AZIN1: variants seen among roughly 807,000 people sequenced by gnomAD.
AZIN1 encodes the protein ornithine decarboxylase antizyme inhibitor.
A neutral mutation model predicts 47.4 loss-of-function variants in AZIN1; 12 were observed. The observed-to-expected ratio is 0.25, with a 90% CI of 0.16 to 0.41. The LOEUF is 0.41. Among genes scored for constraint, AZIN1 ranks in the 10% least tolerant of loss-of-function variants. The probability of loss-of-function intolerance (pLI) is 1.00; values close to 1 mark genes in which losing one functional copy is unlikely to be tolerated. For synonymous variants in AZIN1, 155 were observed against 176.3 expected (o/e 0.88, Z 0.96); for missense variants, 410 against 532.4 (o/e 0.77, Z 2.26).
chr8:102,857,878 T>C (rs1813394539), intron 2 of AZIN1, 135 bp downstream of exon 2: 1 of 395,440 alleles, frequency 2.5e-6, no homozygotes. Context: ...GTCTTATCTC[T>C]ATTTCAGAAA....
At chr8:102,862,671 G>A (rs1469815356) in intron 1 of AZIN1, among the ~76,000 whole-genome samples, 8 of 152,122 alleles carry the variant, frequency 5.3e-5, no homozygotes, top group Admixed American at 5.2e-4. Flanking sequence ...ATCAACCTTC[G>A]CTGAGCACAA....
At chr8:102,835,048 CT>C (rs1586162019) in intron 6 of AZIN1, 1 of 228,706 alleles carries the variant, frequency 4.4e-6, no homozygotes, top group Non-Finnish European at 8.5e-6. Context: ...ATATGTGGCA[CT>C]TTTATGTTTA....
At chr8:102,832,129 C>T (rs773885523) in intron 9 of AZIN1, among the ~76,000 whole-genome samples, 17 of 152,092 alleles carry the variant, frequency 1.1e-4, no homozygotes, top group Non-Finnish European at 2.1e-4. Context: ...GAAATTTCTA[C>T]TCTTCAAAAA....
At chr8:102,841,201 G>A (rs757476017) in intron 3 of AZIN1, among the ~76,000 whole-genome samples, 7 of 152,166 alleles carry the variant, frequency 4.6e-5, no homozygotes, top group Admixed American at 6.5e-5. Flanking sequence ...GTGCAAAGAC[G>A]GATAGATAGT....
In AZIN1 at chr8:102,857,998, T is replaced by C. The variant is rs1260197884; in HGVS notation, c.-96+15A>G. Reference sequence around the variant, plus strand: ...TAAAGACCTCCTCCCCACCAACAAATGTGCAAATACTTACATGGACAAGTT... The same window carrying C: ...TAAAGACCTCCTCCCCACCAACAAACGTGCAAATACTTACATGGACAAGTT... On this transcript the variant is annotated intron_variant, in intron 2 of 11. Transcript: ENST00000337198. 2.5e-6 allele frequency: 1 copy of C among 398,802 alleles called. No homozygotes were observed. Among genetic ancestry groups the C allele is most frequent in the African/African-American group, 2.1e-5 (1 of 48,600 alleles). 24.7% of individuals were successfully genotyped at this position (398,802 alleles called of 1,614,324 possible). A position where few individuals can be genotyped will look rare whatever the true frequency, so the allele number is the denominator to read the frequency against.
chr8:102,828,392 C>G lies in AZIN1; in HGVS notation c.*175G>C. The G allele has an allele frequency of 4.3e-6, 2 of 470,072 alleles. No homozygotes were observed. The highest frequency in any genetic ancestry group is 7.7e-6 in the Non-Finnish European group (2 of 261,056). The allele number at this position is 470,072 out of a possible 1,614,324, so 29.1% of individuals were successfully genotyped here. A position where few individuals can be genotyped will look rare whatever the true frequency, so the allele number is the denominator to read the frequency against. On this transcript the variant is annotated 3_prime_UTR_variant, in exon 12 of 12. Transcript: ENST00000337198. ...ACATTATCTAAATCTCCCATTATCC[C>G]CAATGAATTATAGATGAAAGCTGAT...
chr8:102,845,650 G>A (rs1812523282), intron 2 of AZIN1, among the ~76,000 whole-genome samples: 2 of 152,082 alleles, frequency 1.3e-5, no homozygotes, highest in Admixed American at 6.6e-5. Context: ...AAAAATAAAG[G>A]TCACTCATTT....
At chr8:102,829,190 T>C (rs1811281411) in intron 11 of AZIN1, 82 bp downstream of exon 11, 2 of 1,210,356 alleles carry the variant, frequency 1.7e-6, no homozygotes, top group African/African-American at 3.0e-5. Context: ...AAGTTTAGCA[T>C]TCATTACAGA....
chr8:102,847,109 CA>C (rs1030579566), intron 2 of AZIN1, among the ~76,000 whole-genome samples: 2 of 152,094 alleles, frequency 1.3e-5, no homozygotes, highest in Non-Finnish European at 2.9e-5. Flanking sequence ...AGCTGAGTGA[CA>C]AAATCATTCT....
intron 2 of AZIN1, among the ~76,000 whole-genome samples, chr8:102,853,239 G>A (rs563063986): frequency 3.3e-5 from 5 of 152,352 alleles, no homozygotes; most frequent in South Asian, 2.1e-4. Flanking sequence ...GCGCAGTGGC[G>A]CATGCCTGTA....
intron 9 of AZIN1, among the ~76,000 whole-genome samples, chr8:102,832,414 T>C (rs1811517752): frequency 6.6e-6 from 1 of 152,082 alleles, no homozygotes; most frequent in Non-Finnish European, 1.5e-5. Flanking sequence ...TTGACTTGAG[T>C]TAGATTACAG....
At chr8:102,833,304 T>G in intron 8 of AZIN1, 86 bp from the exon 9 acceptor site, 1 of 1,312,454 alleles carries the variant, frequency 7.6e-7, no homozygotes. Flanking sequence ...CAAAATTTTC[T>G]AGGAAAATGA....
At chr8:102,846,022 T>C (rs943587208) in intron 2 of AZIN1, among the ~76,000 whole-genome samples, 1 of 152,236 alleles carries the variant, frequency 6.6e-6, no homozygotes, top group Non-Finnish European at 1.5e-5. Context: ...CTTAATTGTA[T>C]CTCAGTTGCT....
chr8:102,847,682 C>T (rs913710912), intron 2 of AZIN1, among the ~76,000 whole-genome samples: 1 of 152,064 alleles, frequency 6.6e-6, no homozygotes, highest in Admixed American at 6.6e-5. Flanking sequence ...CCACAGCCTT[C>T]AGTCCCACCT....
intron 8 of AZIN1, among the ~76,000 whole-genome samples, chr8:102,833,444 TAAC>T (rs992041242): frequency 6.6e-6 from 1 of 151,182 alleles, no homozygotes; most frequent in Non-Finnish European, 1.5e-5. Flanking sequence ...ATAGCTCTAA[TAAC>T]AAATACCCAC....
In AZIN1 at chr8:102,843,009, G is replaced by C. The variant is rs147634893; in HGVS notation, c.102+542C>G. ...AGGTGGGTAGATCACCTGAGGTCAG[G>C]AGTTCAAGACCAGCATGGCGAAACC... On this transcript the variant is annotated intron_variant, in intron 3 of 11. Transcript: ENST00000337198. Among the ~76,000 whole-genome samples, 252 of 152,100 alleles carry C rather than the reference G, an allele frequency of 1.7e-3. 1 individual carries two copies. The highest frequency in any genetic ancestry group is 5.8e-3 in the African/African-American group (242 of 41,500).
intron 2 of AZIN1, chr8:102,855,675 T>C (rs1813237802): frequency 2.0e-5 from 3 of 152,236 alleles, no homozygotes; most frequent in Admixed American, 2.0e-4. Flanking sequence ...TGCTTTGCAA[T>C]GCTATGGGCC....
At chr8:102,841,200 C>T (rs958830531) in intron 3 of AZIN1, among the ~76,000 whole-genome samples, 7 of 152,056 alleles carry the variant, frequency 4.6e-5, no homozygotes, top group East Asian at 1.9e-4. Flanking sequence ...TGTGCAAAGA[C>T]GGATAGATAG....
In AZIN1 at chr8:102,838,800, C is replaced by A; in HGVS notation, c.393G>T (p.Leu131=). 1 of 1,613,702 alleles carries A rather than the reference C, an allele frequency of 6.2e-7. No individual in the cohort carries two copies. Among genetic ancestry groups the A allele is most frequent in the Non-Finnish European group, 8.5e-7 (1 of 1,179,850 alleles). The change falls in exon 5 of 12, where the codon CTG becomes CTT. Residue 131 remains leucine (L), a synonymous_variant. Transcript: ENST00000337198. The part of the protein sequence containing the change: ...KYAAKVGVNI[L]TCDNEIELKK... ...TCAATTCAATTTCATTGTCACATGT[C>A]AGGATATTCACTCCAACTTTTGCTG...
Sources: allele counts gnomAD v4.1 joint callset (sites outside exome capture counted in the v4.1 genomes callset), GRCh38; gene constraint gnomAD v4.1.1; transcripts MANE v1.5; gene names NCBI Gene and HGNC (gene_info 2026-07-23, HGNC 2026-07-21).